Variants in PHACTR1 observed in about 807,000 individuals in gnomAD.
The protein encoded by PHACTR1 is RPEL repeat containing 1.
In PHACTR1, 16 loss-of-function variants were observed where a neutral mutation model predicts 69.2. That is an observed-to-expected ratio of 0.23 (90% CI 0.16 to 0.35). PHACTR1 has a LOEUF of 0.35. PHACTR1 is among the 10% of genes least tolerant of loss of function. The pLI is 1.00. For synonymous variants in PHACTR1, 312 were observed against 284.5 expected (o/e 1.10, Z -0.97); for missense variants, 510 against 734.7 (o/e 0.69, Z 3.54).
Position 13,283,894 on chromosome 6 carries a change from C to T in PHACTR1, c.1650+332C>T, listed in dbSNP as rs981417395. ...GGCTCCAGGCTCATCACAGCCCTTC[C>T]GTATAGGGGATGGTGCTGCCGGCAT... On this transcript the variant is annotated intron_variant, in intron 13 of 14. Coordinates refer to ENST00000332995, the MANE Select transcript of PHACTR1 (RefSeq NM_030948.6). The surrounding 1 kb of genome is among the most constrained non-coding windows in gnomAD (Gnocchi z 4.7). The T allele has an allele frequency of 2.9e-5, 9 of 314,786 alleles. No individual in the cohort carries two copies. The highest frequency in any genetic ancestry group is 4.9e-5 in the Non-Finnish European group (8 of 163,090). The allele number at this position is 314,786 out of a possible 1,614,324, so 19.5% of individuals were successfully genotyped here. A position where few individuals can be genotyped will look rare whatever the true frequency, so the allele number is the denominator to read the frequency against.
intron 4 of PHACTR1, among the ~76,000 whole-genome samples, chr6:12,952,992 C>A (rs938494080): frequency 1.3e-5 from 2 of 152,166 alleles, no homozygotes; most frequent in Non-Finnish European, 2.9e-5. Context: ...CCTGTGACAT[C>A]CACATGGCAG....
chr6:12,950,861 A>G (rs1203676527), intron 4 of PHACTR1, among the ~76,000 whole-genome samples: 1 of 152,122 alleles, frequency 6.6e-6, no homozygotes. Flanking sequence ...TGCAGTTGCT[A>G]CCTTGTAACA....
At chr6:12,762,627 C>A (rs897322966) in intron 4 of PHACTR1, among the ~76,000 whole-genome samples, 3 of 152,034 alleles carry the variant, frequency 2.0e-5, no homozygotes, top group African/African-American at 7.3e-5. Flanking sequence ...GAAATCTTAG[C>A]CAAAGATGGT....
chr6:13,078,174 G>C (rs1810834032), intron 5 of PHACTR1, among the ~76,000 whole-genome samples: 1 of 152,002 alleles, frequency 6.6e-6, no homozygotes, highest in South Asian at 2.1e-4. Flanking sequence ...GGAGTGGGTG[G>C]GGGCTGTGAG....
chr6:13,213,336 C>T (rs1767170037), intron 8 of PHACTR1, among the ~76,000 whole-genome samples: 1 of 152,152 alleles, frequency 6.6e-6, no homozygotes, highest in African/African-American at 2.4e-5. Flanking sequence ...TGTCCTCTAC[C>T]ACCCAGAGCA....
chr6:13,209,978 C>T (rs964266738), intron 8 of PHACTR1, among the ~76,000 whole-genome samples: 1 of 152,056 alleles, frequency 6.6e-6, no homozygotes, highest in African/African-American at 2.4e-5. Flanking sequence ...ACCAAATCTG[C>T]TCTGATTTAT....
intron 13 of PHACTR1, among the ~76,000 whole-genome samples, chr6:13,285,060 C>A (rs1236166040): frequency 6.6e-6 from 1 of 152,224 alleles, no homozygotes; most frequent in Non-Finnish European, 1.5e-5. Context: ...GGCTTTCACT[C>A]TTGTCCTCTC....
chr6:13,071,074 T>C lies in PHACTR1; in HGVS notation c.415+17545T>C, dbSNP rs538811253. Among the ~76,000 whole-genome samples the C allele has an allele frequency of 4.6e-5, 7 of 151,384 alleles. No individual in the cohort carries two copies. The South Asian group carries it at 1.5e-3, about 32-fold the overall frequency. On this transcript the variant is annotated intron_variant, in intron 5 of 14. Coordinates refer to ENST00000332995, the MANE Select transcript of PHACTR1 (RefSeq NM_030948.6). ...TTCTTTTTGTTACCCTGAAGGAGAG[T>C]TGGGTGAAGGCAATTTGTGAATATA... is the stretch of plus-strand genomic sequence containing the variant.
intron 4 of PHACTR1, among the ~76,000 whole-genome samples, chr6:12,791,340 C>A (rs910353740): frequency 3.3e-5 from 5 of 152,052 alleles, no homozygotes; most frequent in African/African-American, 1.2e-4. Context: ...ATTTCCTGCC[C>A]TGGGATGGAG....
chr6:13,025,323 G>T (rs1801528957), intron 4 of PHACTR1, among the ~76,000 whole-genome samples: 1 of 152,114 alleles, frequency 6.6e-6, no homozygotes, highest in African/African-American at 2.4e-5. Context: ...ACATATAATA[G>T]AAGAGTTATT....
chr6:13,211,068 G>C lies in PHACTR1; in HGVS notation c.986+4932G>C, dbSNP rs115466498. ...CTTTTCTTAAAGTCATTAAAGAGTT[G>C]AATTCATGATTATTTAGTGACCCTG... On this transcript the variant is annotated intron_variant, in intron 8 of 14. Coordinates refer to ENST00000332995, the MANE Select transcript of PHACTR1 (RefSeq NM_030948.6). 4.1e-3 allele frequency among the ~76,000 whole-genome samples: 630 copies of C among 151,950 alleles called. 7 individuals carry two copies. The highest frequency in any genetic ancestry group is 0.015 in the African/African-American group (602 of 41,446).
At chr6:13,142,982 C>G (rs1384152202) in intron 5 of PHACTR1, among the ~76,000 whole-genome samples, 6 of 152,216 alleles carry the variant, frequency 3.9e-5, no homozygotes, top group African/African-American at 1.4e-4. Flanking sequence ...TAGTTTTACA[C>G]AAACTGACTC....
intron 4 of PHACTR1, among the ~76,000 whole-genome samples, chr6:12,890,036 T>C (rs1784026092): frequency 6.6e-6 from 1 of 151,996 alleles, no homozygotes; most frequent in African/African-American, 2.4e-5. Context: ...TGTTAGGAAG[T>C]GGGTGGGGCA....
chr6:13,013,628 G>A (rs1188377408), intron 4 of PHACTR1, among the ~76,000 whole-genome samples: 1 of 152,124 alleles, frequency 6.6e-6, no homozygotes, highest in Non-Finnish European at 1.5e-5. Flanking sequence ...CGAGAGAGGT[G>A]GGAGTGGAGC....
chr6:13,140,922 C>G (rs1822338992), intron 5 of PHACTR1, among the ~76,000 whole-genome samples: 1 of 152,142 alleles, frequency 6.6e-6, no homozygotes, highest in African/African-American at 2.4e-5. Context: ...ATTAATTTAT[C>G]TATTTAGCTC....
intron 10 of PHACTR1, among the ~76,000 whole-genome samples, chr6:13,259,831 G>A (rs899257601): frequency 6.6e-6 from 1 of 152,210 alleles, no homozygotes; most frequent in Non-Finnish European, 1.5e-5. Flanking sequence ...AGCTTAAGGG[G>A]AATGACAGAA....
At chr6:13,073,655 T>C (rs1259501262) in intron 5 of PHACTR1, among the ~76,000 whole-genome samples, 1 of 151,936 alleles carries the variant, frequency 6.6e-6, no homozygotes, top group African/African-American at 2.4e-5. Flanking sequence ...TCTATGAATT[T>C]TTATTGACAA....
chr6:12,855,909 T>C (rs1310948538), intron 4 of PHACTR1, among the ~76,000 whole-genome samples: 4 of 152,224 alleles, frequency 2.6e-5, no homozygotes, highest in Non-Finnish European at 5.9e-5. Flanking sequence ...ATTACTTTGG[T>C]TACTTCCTGG....
chr6:13,190,442 GT>G (rs1763419564), intron 7 of PHACTR1, among the ~76,000 whole-genome samples: 1 of 152,012 alleles, frequency 6.6e-6, no homozygotes, highest in Non-Finnish European at 1.5e-5. Flanking sequence ...CACATTGGGG[GT>G]GAGAGTTTCA....
Sources: gnomAD v4.1 joint callset for allele counts (sites outside exome capture counted in the v4.1 genomes callset) on GRCh38, gnomAD v4.1.1 for gene constraint, Gnocchi (gnomAD v3.1) non-coding constraint, MANE v1.5 for transcripts, NCBI Gene and HGNC (gene_info 2026-07-23, HGNC 2026-07-21) for gene names.